FHIT: variants seen among roughly 807,000 people sequenced by gnomAD.
FHIT encodes fragile histidine triad diadenosine triphosphatase.
FHIT carries 19 observed loss-of-function variants against 17.9 expected under a neutral mutation model. The observed-to-expected ratio is 1.06, with a 90% confidence interval of 0.74 to 1.56. The LOEUF (loss-of-function observed/expected upper bound fraction) is 1.56. FHIT is among the 40% of genes most tolerant of loss of function. The pLI is 0.00. For missense variants in FHIT, 248 were observed against 189.2 expected (o/e 1.31, Z -1.82); for synonymous variants, 81 against 69.7 (o/e 1.16, Z -0.81).
At chr3:61,109,500 G>C (rs796077283) in intron 2 of FHIT, among the ~76,000 whole-genome samples, 6 of 152,088 alleles carry the variant, frequency 3.9e-5, no homozygotes, top group South Asian at 2.1e-4. Flanking sequence ...CATGTTTTTT[G>C]CAAGTTGCCT....
At chr3:61,142,429 T>C (rs945919395) in intron 2 of FHIT, among the ~76,000 whole-genome samples, 3 of 145,556 alleles carry the variant, frequency 2.1e-5, no homozygotes, top group Non-Finnish European at 4.7e-5. Flanking sequence ...AATGATGTAT[T>C]TGAATGTGAC....
rs74199531 is a variant in FHIT at position 59,986,498 on chromosome 3, AATATATATATATATATATATATAT to A, written c.279+24849_279+24872del. Among the ~76,000 whole-genome samples, 125 of 62,310 alleles carry A rather than the reference AATATATATATATATATATATATAT, an allele frequency of 2.0e-3. 3 individuals carry two copies. Among genetic ancestry groups the A allele is most frequent in the Middle Eastern group, 0.014 (2 of 140 alleles). The allele number at this position is 62,310 out of a possible 152,430, so 40.9% of individuals were successfully genotyped here. ...CTCTGGGTATGAGAAAGTAGTCCAA[AATATATATATATATATATATATAT>A]ATATATATATATATATATACACACA... On this transcript the variant is annotated intron_variant, in intron 7 of 9. Transcript: ENST00000492590.
chr3:60,465,242 G>A (rs1038217900), intron 5 of FHIT, among the ~76,000 whole-genome samples: 1 of 140,422 alleles, frequency 7.1e-6, no homozygotes, highest in African/African-American at 3.2e-5. Context: ...CTATGGAATT[G>A]TTTGAGCTCC....
intron 5 of FHIT, among the ~76,000 whole-genome samples, chr3:60,256,527 T>G (rs1043896344): frequency 6.6e-6 from 1 of 152,232 alleles, no homozygotes; most frequent in African/African-American, 2.4e-5. Flanking sequence ...TTACGCCATT[T>G]TGTAGATGAG....
intron 2 of FHIT, among the ~76,000 whole-genome samples, chr3:61,181,840 G>C (rs1418853238): frequency 1.3e-5 from 2 of 152,008 alleles, no homozygotes; most frequent in Non-Finnish European, 2.9e-5. Context: ...ATAGATTCTA[G>C]TATTATTTTT....
chr3:61,129,311 G>A (rs1239297099), intron 2 of FHIT, among the ~76,000 whole-genome samples: 4 of 152,152 alleles, frequency 2.6e-5, no homozygotes, highest in Non-Finnish European at 5.9e-5. Context: ...AAAGCAATTT[G>A]TGGCATCTAA....
chr3:60,474,173 G>C (rs1212170890), intron 5 of FHIT, among the ~76,000 whole-genome samples: 1 of 152,150 alleles, frequency 6.6e-6, no homozygotes, highest in Non-Finnish European at 1.5e-5. Context: ...GGGCAGGGAG[G>C]GTCAACCCTG....
chr3:60,543,731 TTC>T (rs1409250062), intron 4 of FHIT, among the ~76,000 whole-genome samples: 1 of 151,874 alleles, frequency 6.6e-6, no homozygotes, highest in African/African-American at 2.4e-5. Flanking sequence ...TTTCTGCTGA[TTC>T]TCTTTTTTGT....
Position 59,850,787 on chromosome 3 carries a change from A to G in FHIT, c.348+71559T>C, listed in dbSNP as rs575403398. Reference sequence around the variant, plus strand: ...GTGGGTGTGACTTGCCACAAAAGCAAGAGTCTTTCTGCATTTGTAAATGTG... The same window carrying G: ...GTGGGTGTGACTTGCCACAAAAGCAGGAGTCTTTCTGCATTTGTAAATGTG... On this transcript the variant is annotated intron_variant, in intron 8 of 9. Transcript: ENST00000492590. Among the ~76,000 whole-genome samples the G allele has an allele frequency of 4.6e-5, 7 of 152,332 alleles. 1 individual carries two copies. The highest frequency in any genetic ancestry group is 1.7e-4 in the African/African-American group (7 of 41,590).
At chr3:60,774,533 T>C (rs1700154636) in intron 4 of FHIT, among the ~76,000 whole-genome samples, 1 of 152,094 alleles carries the variant, frequency 6.6e-6, no homozygotes, top group Non-Finnish European at 1.5e-5. Context: ...ACTCCTGACC[T>C]CAAGTGATCT....
At chr3:60,142,123 G>A (rs1700061737) in intron 5 of FHIT, among the ~76,000 whole-genome samples, 2 of 152,102 alleles carry the variant, frequency 1.3e-5, no homozygotes, top group Admixed American at 6.5e-5. Flanking sequence ...ATATCAATAG[G>A]AAAGCAGTAT....
At chr3:61,044,573 A>G (rs1266250653) in intron 2 of FHIT, among the ~76,000 whole-genome samples, 1 of 152,142 alleles carries the variant, frequency 6.6e-6, no homozygotes, top group Non-Finnish European at 1.5e-5. Flanking sequence ...GATATTATCC[A>G]GGAGAACTTC....
chr3:60,241,839 C>T (rs1705144827), intron 5 of FHIT, among the ~76,000 whole-genome samples: 1 of 152,078 alleles, frequency 6.6e-6, no homozygotes, highest in African/African-American at 2.4e-5. Context: ...AGAAGTGGAG[C>T]TTACTCTAAT....
chr3:60,027,199 C>T (rs1460328430), intron 5 of FHIT, among the ~76,000 whole-genome samples: 1 of 148,906 alleles, frequency 6.7e-6, no homozygotes, highest in Non-Finnish European at 1.5e-5. Flanking sequence ...TATGAACTTA[C>T]AAGATTTCTA....
chr3:60,061,378 C>G (rs1020144286), intron 5 of FHIT, among the ~76,000 whole-genome samples: 2 of 152,220 alleles, frequency 1.3e-5, no homozygotes, highest in African/African-American at 4.8e-5. Flanking sequence ...ACAGTTTCCT[C>G]TCTGGTTTGC....
chr3:60,669,860 T>G (rs2040470917), intron 4 of FHIT, among the ~76,000 whole-genome samples: 2 of 152,142 alleles, frequency 1.3e-5, no homozygotes, highest in Non-Finnish European at 2.9e-5. Context: ...AAGAAAGAAT[T>G]GAAAATAACA....
chr3:61,219,019 T>C (rs1483015654), intron 1 of FHIT, among the ~76,000 whole-genome samples: 2 of 152,184 alleles, frequency 1.3e-5, no homozygotes, highest in Non-Finnish European at 2.9e-5. Context: ...ACCTAGAAAG[T>C]GTAGCCCACT....
rs546034338 is a variant in FHIT at position 60,408,887 on chromosome 3, G to C, written c.103+127973C>G. ...GCCATAATTCCAGTGGCTTTCCTGA[G>C]AGAATTTATGAGTATTGCCATAGAT... On this transcript the variant is annotated intron_variant, in intron 5 of 9. Coordinates refer to ENST00000492590, the MANE Select transcript of FHIT (RefSeq NM_002012.4). Among the ~76,000 whole-genome samples the C allele has an allele frequency of 3.5e-4, 54 of 152,234 alleles. 1 individual carries two copies. The South Asian group carries it at 0.011, about 30-fold the overall frequency.
intron 4 of FHIT, among the ~76,000 whole-genome samples, chr3:60,646,279 T>G: frequency 6.6e-6 from 1 of 151,952 alleles, no homozygotes; most frequent in Middle Eastern, 3.4e-3. Context: ...AAAAAATTAC[T>G]TATATATATA....
Sources: allele counts gnomAD v4.1 joint callset (sites outside exome capture counted in the v4.1 genomes callset), GRCh38; gene constraint gnomAD v4.1.1; transcripts MANE v1.5; gene names NCBI Gene and HGNC (gene_info 2026-07-23, HGNC 2026-07-21).